The following ARMH4 variants were observed in gnomAD, a reference collection of about 807,000 sequenced individuals.
ARMH4 encodes armadillo-like helical domain-containing protein 4.
ARMH4 carries 49 observed loss-of-function variants against 61.9 expected under a neutral mutation model. That is an observed-to-expected ratio of 0.79 (90% confidence interval 0.63 to 1.00). The LOEUF (loss-of-function observed/expected upper bound fraction) is 1.00. Among genes scored for constraint, ARMH4 ranks in the 50% least tolerant of loss-of-function variants. The probability of loss-of-function intolerance (pLI) is 0.00; values close to 1 mark genes in which losing one functional copy is unlikely to be tolerated. For synonymous variants in ARMH4, 368 were observed against 341.5 expected (o/e 1.08, Z -0.85); for missense variants, 934 against 930.0 (o/e 1.00, Z -0.06).
chr14:58,003,713 GA>G lies in ARMH4; in HGVS notation c.*1022del, dbSNP rs1882058705. The G allele has an allele frequency of 6.6e-6, 1 of 152,180 alleles. No individual in the cohort carries two copies. The highest frequency in any genetic ancestry group is 1.5e-5 in the Non-Finnish European group (1 of 68,036). The allele number at this position is 152,180 out of a possible 1,614,324, so 9.4% of individuals were successfully genotyped here. A position where few individuals can be genotyped will look rare whatever the true frequency, so the allele number is the denominator to read the frequency against. ...TCCCATGAGCTCTGTTGTTCACCAG[GA>G]CTCTGGCCACTGGGCAGACAAACGA... On this transcript the variant is annotated 3_prime_UTR_variant, in exon 8 of 8. Transcript: ENST00000267485.
chr14:58,054,435 C>T (rs147736207), intron 5 of ARMH4, among the ~76,000 whole-genome samples: 75 of 152,272 alleles, frequency 4.9e-4, no homozygotes, highest in African/African-American at 1.7e-3. Flanking sequence ...TATATCTATA[C>T]GGTTTCTTAA....
chr14:58,026,521 A>G (rs1475245676), intron 5 of ARMH4, among the ~76,000 whole-genome samples: 1 of 152,144 alleles, frequency 6.6e-6, no homozygotes, highest in Non-Finnish European at 1.5e-5. Flanking sequence ...TTGGTGAAAA[A>G]GAAAATAGTT....
At chr14:58,080,004 A>G (rs895935564) in intron 5 of ARMH4, among the ~76,000 whole-genome samples, 1 of 152,218 alleles carries the variant, frequency 6.6e-6, no homozygotes, top group African/African-American at 2.4e-5. Flanking sequence ...TAAGAGTGAC[A>G]TAGTTCACCC....
chr14:58,001,942 G>T lies in ARMH4; in HGVS notation c.*2794C>A, dbSNP rs934076183. Reference sequence around the variant, plus strand: ...GGGGATGGTGTTCACAACTGAAGCTGCAGGAATCAGCCCTCCTTTCCAGAC... The same window carrying T: ...GGGGATGGTGTTCACAACTGAAGCTTCAGGAATCAGCCCTCCTTTCCAGAC... On this transcript the variant is annotated 3_prime_UTR_variant, in exon 8 of 8. Coordinates refer to ENST00000267485, the MANE Select transcript of ARMH4 (RefSeq NM_001001872.4). The T allele has an allele frequency of 1.3e-5, 2 of 152,142 alleles. No individual in the cohort carries two copies. Among genetic ancestry groups the T allele is most frequent in the African/African-American group, 4.8e-5 (2 of 41,416 alleles). 9.4% of individuals were successfully genotyped at this position (152,142 alleles called of 1,614,324 possible).
intron 5 of ARMH4, among the ~76,000 whole-genome samples, chr14:58,071,689 CA>C (rs1333863484): frequency 6.6e-6 from 1 of 152,064 alleles, no homozygotes; most frequent in African/African-American, 2.4e-5. Context: ...ATAAAATAAT[CA>C]AGAGTATTTG....
chr14:58,116,518 A>AT (rs1400426543), intron 4 of ARMH4: 1 of 242,756 alleles, frequency 4.1e-6, no homozygotes, highest in East Asian at 1.1e-4. Context: ...CTACAAAAAA[A>AT]TACAAAAGTT....
chr14:58,129,685 A>G (rs1887023399), intron 4 of ARMH4, among the ~76,000 whole-genome samples: 1 of 152,238 alleles, frequency 6.6e-6, no homozygotes, highest in Admixed American at 6.5e-5. Flanking sequence ...AGTGTAGTCA[A>G]TTCAGCTTTT....
intron 4 of ARMH4, among the ~76,000 whole-genome samples, chr14:58,097,182 T>C (rs186287934): frequency 2.0e-4 from 30 of 152,274 alleles, no homozygotes; most frequent in African/African-American, 6.0e-4. Flanking sequence ...TTCAAAACCA[T>C]AGTTATGTCA....
rs903995771 is a variant in ARMH4 at position 58,152,208 on chromosome 14, G to A, written c.-190C>T. The stretch of plus-strand genomic sequence containing the variant: ...CTCCCTCCGCTGTCTGGGACGCTAG[G>A]GGGAGGGCGCTTCGCTTTGTTGCTT... On this transcript the variant is annotated 5_prime_UTR_variant, in exon 1 of 8. Transcript: ENST00000267485. The A allele has an allele frequency of 2.6e-5, 4 of 154,424 alleles. No homozygotes were observed. Among genetic ancestry groups the A allele is most frequent in the Admixed American group, 6.5e-5 (1 of 15,276 alleles). The allele number at this position is 154,424 out of a possible 1,614,324, so 9.6% of individuals were successfully genotyped here.
At chr14:58,005,016 C>T in intron 7 of ARMH4, 32 bp downstream of exon 7, 1 of 1,613,354 alleles carries the variant, frequency 6.2e-7, no homozygotes. Context: ...TGTTCTGAAA[C>T]TGATTAGGTT....
intron 5 of ARMH4, among the ~76,000 whole-genome samples, chr14:58,020,056 G>C (rs1882762724): frequency 6.6e-6 from 1 of 152,124 alleles, no homozygotes; most frequent in Non-Finnish European, 1.5e-5. Flanking sequence ...ATTAAGATTT[G>C]TTAAACACCT....
At chr14:58,148,726 C>T (rs1887827431) in intron 1 of ARMH4, among the ~76,000 whole-genome samples, 1 of 152,072 alleles carries the variant, frequency 6.6e-6, no homozygotes, top group African/African-American at 2.4e-5. Flanking sequence ...CTAACCATGT[C>T]TACTTGTATG....
intron 5 of ARMH4, among the ~76,000 whole-genome samples, chr14:58,017,985 T>C (rs919679670): frequency 4.6e-5 from 7 of 152,130 alleles, no homozygotes; most frequent in East Asian, 1.9e-4. Flanking sequence ...TTACCATCAA[T>C]TGATTTTCAA....
At chr14:58,037,897 A>G (rs1185959846) in intron 5 of ARMH4, among the ~76,000 whole-genome samples, 50 of 17,262 alleles carry the variant, frequency 2.9e-3, no homozygotes, top group Non-Finnish European at 4.5e-3. Flanking sequence ...AAAAGTCAGG[A>G]AACAACAGGT....
At position 58,071,576 on chromosome 14, in the gene ARMH4, C is replaced by CT. The variant is rs796077577; in HGVS notation, c.2089+25147dup. On this transcript the variant is annotated intron_variant, in intron 5 of 7. Transcript: ENST00000267485. ...TTTGACTTCCTGATAGAAACTGAAG[C>CT]TTTTTTTTTTAACTCAAACACCCCA... Among the ~76,000 whole-genome samples, 813 of 148,340 alleles carry CT rather than the reference C, an allele frequency of 5.5e-3. 8 individuals are homozygous for CT. Among genetic ancestry groups the CT allele is most frequent in the African/African-American group, 0.018 (734 of 40,570 alleles).
At chr14:58,149,565 G>A (rs572745073) in intron 1 of ARMH4, among the ~76,000 whole-genome samples, 58 of 152,288 alleles carry the variant, frequency 3.8e-4, no homozygotes, top group African/African-American at 1.4e-3. Flanking sequence ...TCTACATACT[G>A]AGCCCAGGAG....
intron 5 of ARMH4, among the ~76,000 whole-genome samples, chr14:58,069,752 T>C (rs1035334321): frequency 1.4e-4 from 22 of 152,170 alleles, no homozygotes; most frequent in African/African-American, 5.3e-4. Flanking sequence ...ATAGGTAATA[T>C]AGGTAGCCAA....
At chr14:58,105,623 G>A (rs1725931778) in intron 4 of ARMH4, among the ~76,000 whole-genome samples, 1 of 151,412 alleles carries the variant, frequency 6.6e-6, no homozygotes, top group Non-Finnish European at 1.5e-5. Flanking sequence ...GGGGGCAGAG[G>A]TTGCAGTCAG....
chr14:58,146,696 TAAA>T (rs1182530432), intron 1 of ARMH4, among the ~76,000 whole-genome samples: 1 of 152,238 alleles, frequency 6.6e-6, no homozygotes, highest in African/African-American at 2.4e-5. Context: ...AAAGGCAACA[TAAA>T]AAATACCAGC....
Sources: gnomAD v4.1 joint callset for allele counts (sites outside exome capture counted in the v4.1 genomes callset) on GRCh38, gnomAD v4.1.1 for gene constraint, MANE v1.5 for transcripts, NCBI Gene and HGNC (gene_info 2026-07-23, HGNC 2026-07-21) for gene names.